Variants in DIS3 observed in about 807,000 individuals in gnomAD.
DIS3 encodes the protein exosome complex exonuclease RRP44.
In DIS3, 103 loss-of-function variants were observed where a neutral mutation model predicts 113.0. The ratio of observed to expected loss-of-function variants is 0.91; its 90% CI spans 0.78 to 1.07. The LOEUF (loss-of-function observed/expected upper bound fraction) is 1.07. Among genes scored for constraint, DIS3 ranks in the 50% least tolerant of loss-of-function variants. The probability of loss-of-function intolerance (pLI) is 0.00; values close to 1 mark genes in which losing one functional copy is unlikely to be tolerated. For missense variants in DIS3, 1,121 were observed against 1,167.1 expected, an observed-to-expected ratio of 0.96 and a Z score of 0.58; for synonymous variants, 402 against 394.3, an observed-to-expected ratio of 1.02 and a Z score of -0.23.
At chr13:72,762,846 C>T (rs1366386017) in intron 16 of DIS3, among the ~76,000 whole-genome samples, 1 of 150,798 alleles carries the variant, frequency 6.6e-6, no homozygotes, top group Non-Finnish European at 1.5e-5. Flanking sequence ...AAAAAAAATA[C>T]ATTATTTGTA....
At chr13:72,778,094 T>G in intron 3 of DIS3, 93 bp downstream of exon 3, 1 of 1,130,004 alleles carries the variant, frequency 8.8e-7, no homozygotes, top group Non-Finnish European at 1.2e-6. Context: ...ACGAAAATAC[T>G]AAATAGTAAA....
rs1250676842 is a variant in DIS3, at chr13:72,771,079, AC to A, written c.1670+1del. 6.2e-7 allele frequency: 1 copy of A among 1,613,342 alleles called. No individual in the cohort carries two copies. Among genetic ancestry groups the A allele is most frequent in the African/African-American group, 1.3e-5 (1 of 75,006 alleles). On this transcript the variant is annotated splice_donor_variant, in intron 12 of 20. Transcript: ENST00000377767. LOFTEE classifies it high-confidence loss of function. The stretch of plus-strand genomic sequence containing the variant: ...CAAGGAAAAAAAACCATGCAGAAAT[AC>A]CTGTCCACGTCACATTTTAAGGAAC...
rs940277806 is a variant in DIS3, at chr13:72,753,494, A to G, written c.*6301T>C. On this transcript the variant is annotated 3_prime_UTR_variant, in exon 21 of 21. Transcript: ENST00000377767. Reference sequence around the variant, plus strand: ...TATATTTCATTGGAAGGAATTGTAAAATGACTACAATAATCAGTACTATGC... The same window carrying G: ...TATATTTCATTGGAAGGAATTGTAAGATGACTACAATAATCAGTACTATGC... The G allele has an allele frequency of 6.6e-6, 3 of 455,868 alleles. No individual in the cohort carries two copies. The Admixed American group carries it at 1.2e-4, about 18-fold the overall frequency. 28.2% of individuals were successfully genotyped at this position (455,868 alleles called of 1,614,324 possible).
chr13:72,753,663 A>G lies in DIS3; in HGVS notation c.*6132T>C, dbSNP rs772051230. The G allele has an allele frequency of 1.4e-5, 22 of 1,598,118 alleles. No homozygotes were observed. The highest frequency in any genetic ancestry group is 9.0e-5 in the East Asian group (4 of 44,632). ...ATTTGACTTTTAAGTTCCTCACAAT[A>G]TATTTTTTTCTTTTTTCTCCTGTCA... On this transcript the variant is annotated 3_prime_UTR_variant, in exon 21 of 21. Coordinates refer to ENST00000377767, the MANE Select transcript of DIS3 (RefSeq NM_014953.5).
At chr13:72,773,300 T>C (rs2033930126) in intron 8 of DIS3, among the ~76,000 whole-genome samples, 1 of 152,240 alleles carries the variant, frequency 6.6e-6, no homozygotes, top group African/African-American at 2.4e-5. Context: ...CGAAACCCTA[T>C]GTCTACTAAA....
chr13:72,774,386 G>A, intron 6 of DIS3, among the ~76,000 whole-genome samples: 1 of 152,142 alleles, frequency 6.6e-6, no homozygotes, highest in Non-Finnish European at 1.5e-5. Flanking sequence ...ACACAGGTCT[G>A]GGAATTAGAT....
chr13:72,773,852 CA>C, intron 7 of DIS3, 31 bp from the exon 8 acceptor site: 12 of 1,592,656 alleles, frequency 7.5e-6, no homozygotes, highest in South Asian at 4.6e-5. Flanking sequence ...AGATTTTACA[CA>C]AAAAAAATCT....
At position 72,756,195 on chromosome 13, in the gene DIS3, A is replaced by G. The variant is rs1488708071; in HGVS notation, c.*3600T>C. ...AAAGGGAATAAAGACCTGTGTTATC[A>G]ATGTGTCATTTTCTTCTTTCCTCCA... On this transcript the variant is annotated 3_prime_UTR_variant, in exon 21 of 21. Transcript: ENST00000377767. 5 of 49,318 alleles carry G rather than the reference A, an allele frequency of 1.0e-4. No individual in the cohort carries two copies. The highest frequency in any genetic ancestry group is 1.6e-4 in the Non-Finnish European group (5 of 30,482). 3.1% of individuals were successfully genotyped at this position (49,318 alleles called of 1,614,324 possible).
intron 2 of DIS3, among the ~76,000 whole-genome samples, chr13:72,780,163 T>C (rs918493820): frequency 1.4e-4 from 21 of 151,424 alleles, no homozygotes; most frequent in Non-Finnish European, 3.1e-4. Flanking sequence ...CTGTCTCTAC[T>C]AAAAATACAA....
rs2033432203 is a variant in DIS3, at chr13:72,755,413, T to C, written c.*4382A>G. ...CCTGGAACTTCAAGTTGCTGAATTA[T>C]AAGTTTATTTTTTATCAATAAATAT... On this transcript the variant is annotated 3_prime_UTR_variant, in exon 21 of 21. Transcript: ENST00000377767. The C allele has an allele frequency of 7.6e-6, 4 of 526,012 alleles. No individual in the cohort carries two copies. Among genetic ancestry groups the C allele is most frequent in the Non-Finnish European group, 1.3e-5 (4 of 298,132 alleles). The allele number at this position is 526,012 out of a possible 1,614,324, so 32.6% of individuals were successfully genotyped here. A position where few individuals can be genotyped will look rare whatever the true frequency, so the allele number is the denominator to read the frequency against.
At chr13:72,781,187 A>C in intron 1 of DIS3, 184 bp from the exon 2 acceptor site, 2 of 1,466,498 alleles carry the variant, frequency 1.4e-6, no homozygotes, top group East Asian at 2.5e-5. Context: ...GATCTATTAA[A>C]AAAAGCACAC....
At chr13:72,760,347 T>C (rs2033593843) in intron 20 of DIS3, among the ~76,000 whole-genome samples, 182 bp downstream of exon 20, 1 of 152,176 alleles carries the variant, frequency 6.6e-6, no homozygotes. Flanking sequence ...GAATCTCAGA[T>C]GTCTAGAATC....
In DIS3 at chr13:72,773,789, C is replaced by CT. The variant is rs2033942231; in HGVS notation, c.1133dup (p.Arg379GlufsTer25). On this transcript the variant is annotated frameshift_variant, in exon 8 of 21. Transcript: ENST00000377767. LOFTEE classifies it high-confidence loss of function. ...TTTCTATGCGAATTCGAGGGATTCT[C>CT]TTATCAGCAGGTGTAAAGAGATGTC... 6.2e-7 allele frequency: 1 copy of CT among 1,613,780 alleles called. No individual in the cohort carries two copies. Among genetic ancestry groups the CT allele is most frequent in the African/African-American group, 1.3e-5 (1 of 74,888 alleles).
At chr13:72,763,326 G>A in intron 16 of DIS3, 125 bp downstream of exon 16, 2 of 1,194,928 alleles carry the variant, frequency 1.7e-6, no homozygotes. Context: ...AAAGAAAAAA[G>A]AACTATTGGC....
At chr13:72,772,929 C>T in intron 8 of DIS3, 90 bp from the exon 9 acceptor site, 2 of 1,371,178 alleles carry the variant, frequency 1.5e-6, no homozygotes, top group South Asian at 1.6e-5. Context: ...CATATCTTCT[C>T]AGTATTCCTA....
intron 5 of DIS3, 25 bp from the exon 6 acceptor site, chr13:72,775,400 T>A: frequency 6.4e-7 from 1 of 1,561,502 alleles, no homozygotes; most frequent in Non-Finnish European, 8.6e-7. Flanking sequence ...AGAGGGCACG[T>A]GCCCAAATTA....
intron 15 of DIS3, among the ~76,000 whole-genome samples, chr13:72,763,941 G>C (rs2033689628): frequency 6.6e-6 from 1 of 152,046 alleles, no homozygotes; most frequent in Non-Finnish European, 1.5e-5. Flanking sequence ...TTGAGCCCAG[G>C]AGTTCGAGGA....
chr13:72,778,257 T>C lies in DIS3; in HGVS notation c.510A>G (p.Gln170=), dbSNP rs1215313158. Residue 170 remains glutamine (Q), a synonymous_variant, in exon 3 of 21, where the codon CAA becomes CAG. Transcript: ENST00000377767. ...TCCTGTCATTTGTTATGAAGATAACTTGCAGCTGGTTGTCTGCTGACATTT... is the reference window on the plus strand; with the variant it reads ...TCCTGTCATTTGTTATGAAGATAACCTGCAGCTGGTTGTCTGCTGACATTT... ...LKKMSADNQL[Q]VIFITNDRRN... is the part of the protein sequence containing the mutation. 1.9e-6 allele frequency: 3 copies of C among 1,608,456 alleles called. No individual in the cohort carries two copies. Among genetic ancestry groups the C allele is most frequent in the Non-Finnish European group, 2.6e-6 (3 of 1,175,858 alleles).
chr13:72,760,073 G>C (rs1215356477), intron 20 of DIS3, among the ~76,000 whole-genome samples, 195 bp from the exon 21 acceptor site: 1 of 152,152 alleles, frequency 6.6e-6, no homozygotes, highest in Admixed American at 6.5e-5. Flanking sequence ...GTAAAAGCTA[G>C]ACATGGTCTC....
Sources: gnomAD v4.1 joint callset for allele counts (sites outside exome capture counted in the v4.1 genomes callset) on GRCh38, gnomAD v4.1.1 for gene constraint, MANE v1.5 for transcripts, NCBI Gene and HGNC (gene_info 2026-07-23, HGNC 2026-07-21) for gene names.